NEGR1: variants seen among roughly 807,000 people sequenced by gnomAD.
NEGR1 encodes the protein neuronal growth regulator 1.
NEGR1 carries 10 observed loss-of-function variants against 40.9 expected under a neutral mutation model. The observed-to-expected ratio is 0.24, with a 90% CI of 0.15 to 0.42. NEGR1 has a LOEUF of 0.42. NEGR1 is among the 10% of genes least tolerant of loss of function. The pLI is 1.00. For synonymous variants in NEGR1, 185 were observed against 166.8 expected (o/e 1.11, Z -0.84); for missense variants, 352 against 438.9 (o/e 0.80, Z 1.77).
intron 2 of NEGR1, among the ~76,000 whole-genome samples, chr1:71,799,952 T>C (rs1657494718): frequency 6.6e-6 from 1 of 152,180 alleles, no homozygotes; most frequent in African/African-American, 2.4e-5. Context: ...GTCCTCGTGA[T>C]CTGCCTACCT....
chr1:71,865,585 A>C (rs1000658354), intron 2 of NEGR1, among the ~76,000 whole-genome samples: 1 of 152,076 alleles, frequency 6.6e-6, no homozygotes. Flanking sequence ...GGAACATCAC[A>C]CACTGGGGCC....
intron 1 of NEGR1, among the ~76,000 whole-genome samples, chr1:72,093,427 T>G (rs1351865333): frequency 3.3e-5 from 5 of 152,078 alleles, no homozygotes; most frequent in Non-Finnish European, 5.9e-5. Flanking sequence ...CTCAAAAAAC[T>G]TATGTAATTG....
chr1:72,025,609 A>AG, intron 1 of NEGR1, among the ~76,000 whole-genome samples: 1 of 152,182 alleles, frequency 6.6e-6, no homozygotes, highest in Non-Finnish European at 1.5e-5. Flanking sequence ...AAGTTACTGA[A>AG]GAAGTTAAAC....
intron 5 of NEGR1, among the ~76,000 whole-genome samples, chr1:71,597,503 T>TGTGTGTGTGTGC (rs1649764053): frequency 6.8e-6 from 1 of 146,782 alleles, no homozygotes; most frequent in Non-Finnish European, 1.5e-5. Context: ...TGTGTGTGTG[T>TGTGTGTGTGTGC]AGGCTGTGAA....
intron 1 of NEGR1, among the ~76,000 whole-genome samples, chr1:72,281,470 T>C (rs1403907448): frequency 5.9e-5 from 9 of 151,796 alleles, no homozygotes; most frequent in Non-Finnish European, 7.4e-5. Context: ...TAAATGGTAC[T>C]GGAGGGGAAC....
intron 6 of NEGR1, among the ~76,000 whole-genome samples, chr1:71,440,779 T>C (rs1483650824): frequency 1.3e-5 from 2 of 152,244 alleles, no homozygotes; most frequent in African/African-American, 4.8e-5. Context: ...TCTTTATTTC[T>C]GTCATTGAAA....
chr1:71,613,172 G>A (rs898693586), intron 4 of NEGR1, among the ~76,000 whole-genome samples: 1 of 152,168 alleles, frequency 6.6e-6, no homozygotes, highest in East Asian at 1.9e-4. Context: ...TCACTCCAGG[G>A]TGGTAGCAGT....
At chr1:71,772,492 G>T (rs937355472) in intron 3 of NEGR1, among the ~76,000 whole-genome samples, 1 of 151,954 alleles carries the variant, frequency 6.6e-6, no homozygotes, top group Admixed American at 6.6e-5. Context: ...AATTAGAGGA[G>T]CCTAAACTGT....
At chr1:71,920,932 A>G (rs1645711301) in intron 2 of NEGR1, among the ~76,000 whole-genome samples, 1 of 152,126 alleles carries the variant, frequency 6.6e-6, no homozygotes, top group South Asian at 2.1e-4. Flanking sequence ...CACTCATGCC[A>G]TTGTGTATTT....
At chr1:71,937,357 G>T (rs1043048442) in intron 1 of NEGR1, among the ~76,000 whole-genome samples, 1 of 152,156 alleles carries the variant, frequency 6.6e-6, no homozygotes, top group Non-Finnish European at 1.5e-5. Flanking sequence ...CATTTGTGCT[G>T]GTACAGGACA....
chr1:71,644,902 T>G (rs1164655303), intron 4 of NEGR1, among the ~76,000 whole-genome samples: 3 of 151,934 alleles, frequency 2.0e-5, no homozygotes, highest in African/African-American at 7.2e-5. Flanking sequence ...TTATTATAAA[T>G]GAAGTATTCT....
chr1:71,972,914 T>A (rs1646269428), intron 1 of NEGR1, among the ~76,000 whole-genome samples: 1 of 152,182 alleles, frequency 6.6e-6, no homozygotes, highest in South Asian at 2.1e-4. Flanking sequence ...ATAGTAAGAC[T>A]TAAATAATGA....
At chr1:71,838,431 A>C (rs553349460) in intron 2 of NEGR1, among the ~76,000 whole-genome samples, 1 of 152,276 alleles carries the variant, frequency 6.6e-6, no homozygotes, top group Admixed American at 6.5e-5. Flanking sequence ...ATCTATTTTA[A>C]AAATGATTAG....
At chr1:71,960,211 A>C (rs1646154062) in intron 1 of NEGR1, among the ~76,000 whole-genome samples, 1 of 152,204 alleles carries the variant, frequency 6.6e-6, no homozygotes, top group Non-Finnish European at 1.5e-5. Context: ...TGTTTACATA[A>C]ATATTGAAGA....
intron 4 of NEGR1, among the ~76,000 whole-genome samples, chr1:71,630,139 G>T (rs1299986353): frequency 6.6e-6 from 1 of 151,924 alleles, no homozygotes; most frequent in Non-Finnish European, 1.5e-5. Flanking sequence ...AAGAAAAGAA[G>T]AATTTATTGG....
chr1:71,508,570 A>T (rs2101412201), intron 6 of NEGR1, among the ~76,000 whole-genome samples: 1 of 152,290 alleles, frequency 6.6e-6, no homozygotes, highest in Non-Finnish European at 1.5e-5. Context: ...ATAAAATTTA[A>T]TGCCTTCCAG....
chr1:71,771,242 T>C (rs900534359), intron 3 of NEGR1, among the ~76,000 whole-genome samples: 3 of 150,960 alleles, frequency 2.0e-5, no homozygotes, highest in Non-Finnish European at 3.0e-5. Context: ...TAAGTGGGAG[T>C]TGAACAACGA....
Position 71,404,984 on chromosome 1 carries a change from TCA to T in NEGR1, c.*2460_*2461del, listed in dbSNP as rs1304904463. On this transcript the variant is annotated 3_prime_UTR_variant, in exon 7 of 7. Transcript: ENST00000357731. ...ATTGAACTCATAAATACTCATGATTTCACTCTGTCCGAGGGCCTAAGGACTAG... is the reference window on the plus strand; with the variant it reads ...ATTGAACTCATAAATACTCATGATTTCTCTGTCCGAGGGCCTAAGGACTAG... 3.3e-5 allele frequency: 5 copies of T among 152,376 alleles called. No individual in the cohort carries two copies. In the East Asian group the frequency reaches 9.6e-4, roughly 29 times the overall value. The allele number at this position is 152,376 out of a possible 1,614,324, so 9.4% of individuals were successfully genotyped here.
At chr1:71,443,926 C>T (rs1418445352) in intron 6 of NEGR1, among the ~76,000 whole-genome samples, 1 of 152,140 alleles carries the variant, frequency 6.6e-6, no homozygotes, top group Non-Finnish European at 1.5e-5. Flanking sequence ...AGTTAATTTC[C>T]ATTTACATTG....
Sources: allele counts gnomAD v4.1 joint callset (sites outside exome capture counted in the v4.1 genomes callset), GRCh38; gene constraint gnomAD v4.1.1; transcripts MANE v1.5; gene names NCBI Gene and HGNC (gene_info 2026-07-23, HGNC 2026-07-21).